Variants in OR2AP1 observed in about 807,000 individuals in gnomAD.
OR2AP1 encodes the protein olfactory receptor 2AP1.
A neutral mutation model predicts 13.9 loss-of-function variants in OR2AP1; 20 were observed. The observed-to-expected ratio is 1.44, with a 90% CI of 1.01 to 2.09. OR2AP1 has a LOEUF of 2.09. OR2AP1 is among the 30% of genes most tolerant of loss of function. The probability of loss-of-function intolerance (pLI) is 0.00; values close to 1 mark genes in which losing one functional copy is unlikely to be tolerated. For synonymous variants in OR2AP1, 174 were observed against 137.0 expected, an observed-to-expected ratio of 1.27 and a Z score of -1.89; for missense variants, 490 against 360.6, an observed-to-expected ratio of 1.36 and a Z score of -2.91.
chr12:55,572,833 A>G (rs1276056453), intron 1 of OR2AP1, among the ~76,000 whole-genome samples: 1 of 152,182 alleles, frequency 6.6e-6, no homozygotes, highest in Admixed American at 6.5e-5. Context: ...AAATCAATTT[A>G]GTGGGCTTCA....
intron 1 of OR2AP1, among the ~76,000 whole-genome samples, chr12:55,573,507 A>C (rs1874473499): frequency 6.6e-6 from 1 of 152,188 alleles, no homozygotes; most frequent in African/African-American, 2.4e-5. Flanking sequence ...TTCCCCATAA[A>C]ATTCACATGC....
In OR2AP1 at chr12:55,575,068, C is replaced by G. The variant is rs960091922; in HGVS notation, c.654C>G (p.Phe218Leu). 1 of 1,549,104 alleles carries G rather than the reference C, an allele frequency of 6.5e-7. No individual in the cohort carries two copies. Among genetic ancestry groups the G allele is most frequent in the African/African-American group, 1.4e-5 (1 of 73,436 alleles). Residue 218 changes from phenylalanine to leucine, a missense_variant, in exon 2 of 2, where the codon TTC (phenylalanine) becomes TTG (leucine). By Grantham distance (22) the Phe-to-Leu change is conservative. Coordinates refer to ENST00000641114, the MANE Select transcript of OR2AP1 (RefSeq NM_001258285.2). The stretch of plus-strand genomic sequence containing the variant: ...TGCTAGTGATTCTCTCCTATGCATT[C>G]ATTATCAAGACTATTCTGAAGCTCC... ...TLVLVILSYA[F>L]IIKTILKLPS...
Position 55,574,604 on chromosome 12 carries a change from T to G in OR2AP1, c.190T>G (p.Phe64Val), listed in dbSNP as rs191010733. 6.5e-7 allele frequency: 1 copy of G among 1,540,880 alleles called. No individual in the cohort carries two copies. The highest frequency in any genetic ancestry group is 8.7e-7 in the Non-Finnish European group (1 of 1,148,336). ...TCCCATGTATTTCTTTCTCCGGAAC[T>G]TCTCCTTCTTGGAAATTTCCTTCAC... ...QTPMYFFLRN[F>V]SFLEISFTNI... The change falls in exon 2 of 2, where the codon TTC becomes GTC. Residue 64 changes from phenylalanine (F) to valine (V), a missense_variant. Transcript: ENST00000641114.
Position 55,575,130 on chromosome 12 carries a change from G to A in OR2AP1, c.716G>A (p.Cys239Tyr), listed in dbSNP as rs1218731063. Residue 239 changes from cysteine (C) to tyrosine (Y), a missense_variant, in exon 2 of 2, where the codon TGT (cysteine) becomes TAT (tyrosine). Cys to Tyr is a radical substitution (Grantham distance 194). Transcript: ENST00000641114. ...CAAAGGACAAAAGCCTTTTCCACAT[G>A]TTCTTCCCACATGATTGTCATCTCC... ...AQQRTKAFST[C>Y]SSHMIVISLS... The A allele has an allele frequency of 9.4e-6, 15 of 1,599,234 alleles. No individual in the cohort carries two copies. The highest frequency in any genetic ancestry group is 1.3e-5 in the Non-Finnish European group (15 of 1,177,368).
At chr12:55,573,046 T>A (rs2135879787) in intron 1 of OR2AP1, among the ~76,000 whole-genome samples, 1 of 152,080 alleles carries the variant, frequency 6.6e-6, no homozygotes, top group South Asian at 2.1e-4. Context: ...GGCATGGTAG[T>A]GCATGCCTGT....
Position 55,574,718 on chromosome 12 carries a change from G to C in OR2AP1, c.304G>C (p.Ala102Pro). 1.9e-6 allele frequency: 3 copies of C among 1,572,346 alleles called. No individual in the cohort carries two copies. In the South Asian group the frequency reaches 3.5e-5, roughly 18 times the overall value. ...TGGCTGCTTCACTCAGTATTTCTTT[G>C]CCATGTTCCTTGGGGCTACAGAGTT... is the stretch of plus-strand genomic sequence containing the variant. Reference protein sequence around the residue: ...FAGCFTQYFFAMFLGATEFYL... With the variant: ...FAGCFTQYFFPMFLGATEFYL... Residue 102 changes from alanine to proline, a missense_variant, in exon 2 of 2, where the codon GCC becomes CCC. Ala to Pro is a conservative substitution (Grantham distance 27). Transcript: ENST00000641114.
At chr12:55,573,888 C>A (rs1874483115) in intron 1 of OR2AP1, among the ~76,000 whole-genome samples, 1 of 151,488 alleles carries the variant, frequency 6.6e-6, no homozygotes. Context: ...TTTTTTGCTT[C>A]AAGGGAATTA....
chr12:55,574,502 T>A lies in OR2AP1; in HGVS notation c.88T>A (p.Phe30Ile), dbSNP rs1253357599. Residue 30 changes from phenylalanine (F) to isoleucine (I), a missense_variant, in exon 2 of 2, where the codon TTC becomes ATC. Coordinates refer to ENST00000641114, the MANE Select transcript of OR2AP1 (RefSeq NM_001258285.2). ...ELQVAVFTFL[F>I]LAYLLSILGN... ...CCAGGTGGCAGTTTTCACCTTTCTT[T>A]TCCTTGCGTATTTACTCAGCATCCT... 15 of 1,536,874 alleles carry A rather than the reference T, an allele frequency of 9.8e-6. No individual in the cohort carries two copies. Among genetic ancestry groups the A allele is most frequent in the African/African-American group, 1.4e-5 (1 of 73,010 alleles).
chr12:55,572,544 A>G lies in OR2AP1; in HGVS notation c.-274A>G, dbSNP rs1314307767. Reference sequence around the variant, plus strand: ...AAGTATGTTACCTGTTTATAGCTTCATTTATTTTACTTCTCTGGAGTTGTA... The same window carrying G: ...AAGTATGTTACCTGTTTATAGCTTCGTTTATTTTACTTCTCTGGAGTTGTA... On this transcript the variant is annotated 5_prime_UTR_variant, in exon 1 of 2. Transcript: ENST00000641114. 6.6e-6 allele frequency: 1 copy of G among 152,094 alleles called. No homozygotes were observed. The highest frequency in any genetic ancestry group is 6.5e-5 in the Admixed American group (1 of 15,274). The allele number at this position is 152,094 out of a possible 1,614,324, so 9.4% of individuals were successfully genotyped here.
Position 55,574,338 on chromosome 12 carries a change from A to T in OR2AP1, c.-77A>T, listed in dbSNP as rs1168607928. On this transcript the variant is annotated 5_prime_UTR_variant, in exon 2 of 2. Coordinates refer to ENST00000641114, the MANE Select transcript of OR2AP1 (RefSeq NM_001258285.2). The stretch of plus-strand genomic sequence containing the variant: ...TTTTCTTGTCAGACTTCATCCGTTC[A>T]TTTCAGAGCACCTCTTCCTTTCTCA... 1 of 728,078 alleles carries T rather than the reference A, an allele frequency of 1.4e-6. No individual in the cohort carries two copies. The highest frequency in any genetic ancestry group is 2.2e-6 in the Non-Finnish European group (1 of 449,918). 45.1% of individuals were successfully genotyped at this position (728,078 alleles called of 1,614,324 possible). A position where few individuals can be genotyped will look rare whatever the true frequency, so the allele number is the denominator to read the frequency against.
rs539767275 is a variant in OR2AP1, at chr12:55,575,176, G to A, written c.762G>A (p.Met254Ile). ...TCTCCCTCTCTTACGGAAGCTGCAT[G>A]TTTATGTACATTAATCCCTCTGCAA... ...IVISLSYGSCMFMYINPSAKE... is the reference protein window; with the variant it reads ...IVISLSYGSCIFMYINPSAKE... Residue 254 changes from methionine to isoleucine, a missense_variant, in exon 2 of 2, where the codon ATG becomes ATA. Coordinates refer to ENST00000641114, the MANE Select transcript of OR2AP1 (RefSeq NM_001258285.2). The A allele has an allele frequency of 4.2e-5, 68 of 1,600,956 alleles. No individual in the cohort carries two copies. In the East Asian group the frequency reaches 1.4e-3, roughly 33 times the overall value.
At chr12:55,573,790 A>G (rs1874479798) in intron 1 of OR2AP1, among the ~76,000 whole-genome samples, 1 of 152,186 alleles carries the variant, frequency 6.6e-6, no homozygotes. Flanking sequence ...GAATAGCATA[A>G]CCCTAATACA....
In OR2AP1 at chr12:55,572,536, A is replaced by G. The variant is rs1874448490; in HGVS notation, c.-282A>G. 6.6e-6 allele frequency: 1 copy of G among 152,148 alleles called. No homozygotes were observed. The highest frequency in any genetic ancestry group is 2.4e-5 in the African/African-American group (1 of 41,440). The allele number at this position is 152,148 out of a possible 1,614,324, so 9.4% of individuals were successfully genotyped here. A position where few individuals can be genotyped will look rare whatever the true frequency, so the allele number is the denominator to read the frequency against. ...AAGTCAGGAAGTATGTTACCTGTTT[A>G]TAGCTTCATTTATTTTACTTCTCTG... On this transcript the variant is annotated 5_prime_UTR_variant, in exon 1 of 2. Coordinates refer to ENST00000641114, the MANE Select transcript of OR2AP1 (RefSeq NM_001258285.2).
At position 55,575,352 on chromosome 12, in the gene OR2AP1, A is replaced by G; in HGVS notation, c.*8A>G. The stretch of plus-strand genomic sequence containing the variant: ...AAGCTTCTGAATCTTTAAAGAATTT[A>G]AGAATTATGCATCGCGACATTATTC... On this transcript the variant is annotated 3_prime_UTR_variant, in exon 2 of 2. Coordinates refer to ENST00000641114, the MANE Select transcript of OR2AP1 (RefSeq NM_001258285.2). The G allele has an allele frequency of 6.9e-7, 1 of 1,450,712 alleles. No individual in the cohort carries two copies. 89.9% of individuals were successfully genotyped at this position (1,450,712 alleles called of 1,614,324 possible). A position where few individuals can be genotyped will look rare whatever the true frequency, so the allele number is the denominator to read the frequency against.
rs765427055 is a variant in OR2AP1, at chr12:55,574,994, G to T, written c.580G>T (p.Glu194Ter). ...ELSCSDTSLI[E>*]KVVFLVASVT... ...CTCATGTTCAGACACAAGCCTCATA[G>T]AGAAGGTTGTCTTTCTTGTGGCATC... is the stretch of plus-strand genomic sequence containing the variant. Residue 194 changes from glutamate (E) to a stop codon, truncating the protein, a stop_gained, in exon 2 of 2, where the codon GAG becomes TAG. Transcript: ENST00000641114. LOFTEE classifies it high-confidence loss of function. The T allele has an allele frequency of 2.6e-6, 4 of 1,537,386 alleles. No homozygotes were observed. The highest frequency in any genetic ancestry group is 2.4e-5 in the East Asian group (1 of 40,918).
At chr12:55,573,663 T>G (rs1413964067) in intron 1 of OR2AP1, among the ~76,000 whole-genome samples, 1 of 152,180 alleles carries the variant, frequency 6.6e-6, no homozygotes, top group Non-Finnish European at 1.5e-5. Context: ...TAATAGAATC[T>G]CCCTATCCTT....
At position 55,574,807 on chromosome 12, in the gene OR2AP1, C is replaced by T. The variant is rs1874516284; in HGVS notation, c.393C>T (p.Thr131=). The stretch of plus-strand genomic sequence containing the variant: ...CCATCTGCAAACCTCTGCATTACAC[C>T]ACCATCATGAGCAGCAGAATCTGCA... ...YVAICKPLHY[T]TIMSSRICIQ... is the part of the protein sequence containing the mutation. The change falls in exon 2 of 2, where the codon ACC becomes ACT. Residue 131 remains threonine (T), a synonymous_variant. Transcript: ENST00000641114. 1 of 1,606,854 alleles carries T rather than the reference C, an allele frequency of 6.2e-7. No homozygotes were observed. Among genetic ancestry groups the T allele is most frequent in the Admixed American group, 1.7e-5 (1 of 59,046 alleles).
At position 55,574,339 on chromosome 12, in the gene OR2AP1, T is replaced by C; in HGVS notation, c.-76T>C. 1 of 737,234 alleles carries C rather than the reference T, an allele frequency of 1.4e-6. No individual in the cohort carries two copies. The highest frequency in any genetic ancestry group is 1.9e-5 in the South Asian group (1 of 53,170). 45.7% of individuals were successfully genotyped at this position (737,234 alleles called of 1,614,324 possible). On this transcript the variant is annotated 5_prime_UTR_variant, in exon 2 of 2. Coordinates refer to ENST00000641114, the MANE Select transcript of OR2AP1 (RefSeq NM_001258285.2). Reference sequence around the variant, plus strand: ...TTTCTTGTCAGACTTCATCCGTTCATTTCAGAGCACCTCTTCCTTTCTCAC... The same window carrying C: ...TTTCTTGTCAGACTTCATCCGTTCACTTCAGAGCACCTCTTCCTTTCTCAC...
Position 55,575,044 on chromosome 12 carries a change from G to T in OR2AP1, c.630G>T (p.Val210=). ...CTGTGACCCTGGTGGTCACTCTGGTGCTAGTGATTCTCTCCTATGCATTCA... is the reference window on the plus strand; with the variant it reads ...CTGTGACCCTGGTGGTCACTCTGGTTCTAGTGATTCTCTCCTATGCATTCA... ...VASVTLVVTL[V]LVILSYAFII... Residue 210 remains valine, a synonymous_variant, in exon 2 of 2, where the codon GTG becomes GTT. Coordinates refer to ENST00000641114, the MANE Select transcript of OR2AP1 (RefSeq NM_001258285.2). 6.5e-7 allele frequency: 1 copy of T among 1,540,056 alleles called. No homozygotes were observed. Among genetic ancestry groups the T allele is most frequent in the Non-Finnish European group, 8.7e-7 (1 of 1,148,032 alleles).
Sources: allele counts gnomAD v4.1 joint callset (sites outside exome capture counted in the v4.1 genomes callset), GRCh38; gene constraint gnomAD v4.1.1; transcripts MANE v1.5; gene names NCBI Gene and HGNC (gene_info 2026-07-23, HGNC 2026-07-21).